CHIC1: variants seen among roughly 807,000 people sequenced by gnomAD.
The protein encoded by CHIC1 is cysteine rich hydrophobic domain 1.
Under a neutral mutation model 18.5 loss-of-function variants are expected in CHIC1, and 7 were observed. The observed-to-expected ratio is 0.38, with a 90% CI of 0.22 to 0.71. The LOEUF (loss-of-function observed/expected upper bound fraction) is 0.71. Among genes scored for constraint, CHIC1 ranks in the 30% least tolerant of loss-of-function variants. CHIC1 has a pLI of 0.49. For missense variants in CHIC1, 159 were observed against 176.9 expected, an observed-to-expected ratio of 0.90 and a Z score of 0.57; for synonymous variants, 77 against 73.5, an observed-to-expected ratio of 1.05 and a Z score of -0.25.
intron 3 of CHIC1, among the ~76,000 whole-genome samples, chrX:73,645,513 T>G (rs1406029077): frequency 8.9e-6 from 1 of 112,322 alleles, no homozygotes; most frequent in Non-Finnish European, 1.9e-5. Context: ...CTGTATTAAT[T>G]TACATTTCTG....
chrX:73,644,267 G>T (rs749615165), intron 3 of CHIC1, among the ~76,000 whole-genome samples: 2 of 111,888 alleles, frequency 1.8e-5, no homozygotes, highest in East Asian at 5.6e-4. Context: ...AGGAGTACCC[G>T]GCCATGTGAG....
chrX:73,598,862 G>A (rs1462763125), intron 3 of CHIC1, among the ~76,000 whole-genome samples: 3 of 109,458 alleles, frequency 2.7e-5, no homozygotes, highest in African/African-American at 1.0e-4. Flanking sequence ...TGGGATGGCT[G>A]GGTCAAATGG....
At chrX:73,650,563 T>G (rs1474651469) in intron 3 of CHIC1, among the ~76,000 whole-genome samples, 1 of 110,221 alleles carries the variant, frequency 9.1e-6, no homozygotes, top group Non-Finnish European at 1.9e-5. Context: ...TCTCCACAAA[T>G]AAACTAGAAA....
intron 3 of CHIC1, among the ~76,000 whole-genome samples, chrX:73,621,476 G>A (rs539641302): frequency 6.3e-5 from 7 of 111,480 alleles, no homozygotes; most frequent in African/African-American, 2.0e-4. Flanking sequence ...ATGGGAGTTC[G>A]CTCATGATTT....
intron 3 of CHIC1, among the ~76,000 whole-genome samples, chrX:73,672,024 G>GT (rs934887180): frequency 3.6e-4 from 40 of 110,974 alleles, no homozygotes; most frequent in Non-Finnish European, 5.9e-4. Flanking sequence ...GCGGTGTTTG[G>GT]TTTTTTCTCC....
Position 73,564,182 on chromosome X carries a change from C to T in CHIC1, c.296+602C>T, listed in dbSNP as rs762451653. Among the ~76,000 whole-genome samples, 5 of 111,161 alleles carry T rather than the reference C, an allele frequency of 4.5e-5. No individual in the cohort carries two copies. The South Asian group carries it at 1.9e-3, about 43-fold the overall frequency. ...AGTCAGGGCTCTTAGACGCTGGTCCCGGTTTTGCTTCTTACTGGCCCTGTG... is the reference window on the plus strand; with the variant it reads ...AGTCAGGGCTCTTAGACGCTGGTCCTGGTTTTGCTTCTTACTGGCCCTGTG... On this transcript the variant is annotated intron_variant, in intron 1 of 5. Transcript: ENST00000373502.
chrX:73,579,619 T>A (rs2057516970), intron 2 of CHIC1, among the ~76,000 whole-genome samples: 1 of 110,494 alleles, frequency 9.1e-6, no homozygotes, highest in African/African-American at 3.3e-5. Flanking sequence ...GTGATCATAG[T>A]TCCTGGCTAA....
intron 3 of CHIC1, among the ~76,000 whole-genome samples, chrX:73,672,933 A>G (rs1436476695): frequency 2.8e-4 from 31 of 111,791 alleles, no homozygotes; most frequent in African/African-American, 8.8e-4. Context: ...ATCTTGAATT[A>G]ATTTTTGTAT....
chrX:73,603,188 T>A (rs2057660712), intron 3 of CHIC1, among the ~76,000 whole-genome samples: 1 of 108,492 alleles, frequency 9.2e-6, no homozygotes, highest in African/African-American at 3.6e-5. Context: ...TCTTGAGCAG[T>A]GGTTTGTAGT....
chrX:73,677,603 G>T (rs376815673), intron 3 of CHIC1, among the ~76,000 whole-genome samples: 1 of 112,046 alleles, frequency 8.9e-6, no homozygotes, highest in East Asian at 2.8e-4. Context: ...CAGTATTTGG[G>T]TGGGAGTGAC....
In CHIC1 at chrX:73,563,334, T is replaced by TGGA. The variant is rs773550444; in HGVS notation, c.63_65dup (p.Glu24dup). 10 of 1,142,610 alleles carry TGGA rather than the reference T, an allele frequency of 8.8e-6. No individual in the cohort carries two copies. Among genetic ancestry groups the TGGA allele is most frequent in the Admixed American group, 5.5e-5 (2 of 36,591 alleles). 94.2% of individuals were successfully genotyped at this position (1,142,610 alleles called of 1,213,427 possible). A position where few individuals can be genotyped will look rare whatever the true frequency, so the allele number is the denominator to read the frequency against. On this transcript the variant is annotated inframe_insertion, in exon 1 of 6. Coordinates refer to ENST00000373502, the MANE Select transcript of CHIC1 (RefSeq NM_001039840.4). The stretch of plus-strand genomic sequence containing the variant: ...GCGGAGTTCGACACCATCTCGGAAC[T>TGGA]GGAGGAGGAGGAGGAAGAAGAAGCG...
chrX:73,680,980 A>C lies in CHIC1; in HGVS notation c.650A>C (p.Lys217Thr). The C allele has an allele frequency of 9.0e-7, 1 of 1,113,413 alleles. No individual in the cohort carries two copies. Among genetic ancestry groups the C allele is most frequent in the Non-Finnish European group, 1.2e-6 (1 of 828,256 alleles). The allele number at this position is 1,113,413 out of a possible 1,213,427, so 91.8% of individuals were successfully genotyped here. ...GTAATACTAATAGAATTCTTACCAAAATATCCCATATTCCGACCTGACTGA... is the reference window on the plus strand; with the variant it reads ...GTAATACTAATAGAATTCTTACCAACATATCCCATATTCCGACCTGACTGA... ...EYVILIEFLP[K>T]YPIFRPD The change falls in exon 6 of 6, where the codon AAA (lysine) becomes ACA (threonine). Residue 217 changes from lysine (K) to threonine (T), a missense_variant. Transcript: ENST00000373502.
At chrX:73,567,661 T>C (rs754936166) in intron 1 of CHIC1, among the ~76,000 whole-genome samples, 6 of 111,168 alleles carry the variant, frequency 5.4e-5, no homozygotes, top group Non-Finnish European at 9.4e-5. Flanking sequence ...TACTTAAGAT[T>C]ATCTTGTGGT....
intron 2 of CHIC1, 85 bp from the exon 3 acceptor site, chrX:73,584,332 T>A (rs2057542308): frequency 2.4e-6 from 2 of 837,745 alleles, no homozygotes; most frequent in Admixed American, 7.2e-5. Flanking sequence ...TTCCTTAAAT[T>A]ATTTGTAATA....
At chrX:73,623,103 T>G (rs1244581031) in intron 3 of CHIC1, among the ~76,000 whole-genome samples, 1 of 111,616 alleles carries the variant, frequency 9.0e-6, no homozygotes, top group Non-Finnish European at 1.9e-5. Context: ...TTACTTCCAA[T>G]TATGTGGTCA....
At chrX:73,575,969 A>AT (rs572985965) in intron 1 of CHIC1, among the ~76,000 whole-genome samples, 116 of 107,149 alleles carry the variant, frequency 1.1e-3, no homozygotes, top group South Asian at 8.9e-3. Context: ...TATTCTATTA[A>AT]TTTTTTTTTT....
chrX:73,628,971 A>G (rs1180726789), intron 3 of CHIC1, among the ~76,000 whole-genome samples: 1 of 110,707 alleles, frequency 9.0e-6, no homozygotes, highest in African/African-American at 3.3e-5. Flanking sequence ...TCTCTTTACT[A>G]TATTTCCTTG....
chrX:73,634,935 T>G (rs981366750), intron 3 of CHIC1, among the ~76,000 whole-genome samples: 2 of 111,252 alleles, frequency 1.8e-5, no homozygotes, highest in African/African-American at 6.5e-5. Context: ...TTACCCTCTT[T>G]AATGCATCCA....
intron 3 of CHIC1, among the ~76,000 whole-genome samples, chrX:73,627,112 CTCT>C (rs1408161156): frequency 2.1e-5 from 2 of 96,602 alleles, no homozygotes; most frequent in African/African-American, 8.2e-5. Flanking sequence ...CAGGCAGAGA[CTCT>C]TCTTCTTTCT....
Sources: gnomAD v4.1 joint callset for allele counts (sites outside exome capture counted in the v4.1 genomes callset) on GRCh38, gnomAD v4.1.1 for gene constraint, MANE v1.5 for transcripts, NCBI Gene and HGNC (gene_info 2026-07-23, HGNC 2026-07-21) for gene names.